The following RPRD2 variants were observed in gnomAD, a reference collection of about 807,000 sequenced individuals.
RPRD2 encodes regulation of nuclear pre-mRNA domain containing 2, also known as regulation of nuclear pre-mRNA domain-containing protein 2.
RPRD2 carries 12 observed loss-of-function variants against 104.4 expected under a neutral mutation model. The observed-to-expected ratio is 0.11, with a 90% CI of 0.07 to 0.19. The LOEUF (loss-of-function observed/expected upper bound fraction) is 0.19. Among genes scored for constraint, RPRD2 ranks in the 10% least tolerant of loss-of-function variants. The probability of loss-of-function intolerance (pLI) is 1.00; values close to 1 mark genes in which losing one functional copy is unlikely to be tolerated. For missense variants in RPRD2, 1,543 were observed against 1,790.1 expected, an observed-to-expected ratio of 0.86 and a Z score of 2.49; for synonymous variants, 714 against 684.9, an observed-to-expected ratio of 1.04 and a Z score of -0.66.
intron 1 of RPRD2, among the ~76,000 whole-genome samples, chr1:150,381,873 G>T (rs1266951278): frequency 6.6e-6 from 1 of 152,090 alleles, no homozygotes; most frequent in Non-Finnish European, 1.5e-5. Flanking sequence ...TTGTATGTTG[G>T]TTAGTTGGTA....
chr1:150,412,660 TAA>T (rs1553887881), intron 1 of RPRD2, among the ~76,000 whole-genome samples: 1 of 152,188 alleles, frequency 6.6e-6, no homozygotes, highest in Non-Finnish European at 1.5e-5. Flanking sequence ...TAAAGGAAGC[TAA>T]AGTGTTTCAG....
At chr1:150,409,692 A>G (rs1332287773) in intron 1 of RPRD2, among the ~76,000 whole-genome samples, 1 of 123,168 alleles carries the variant, frequency 8.1e-6, no homozygotes, top group Non-Finnish European at 1.6e-5. Flanking sequence ...TCTTTCACCC[A>G]GGCTGAAGTG....
Position 150,457,466 on chromosome 1 carries a change from C to G in RPRD2, c.1049C>G (p.Thr350Ser). The G allele has an allele frequency of 6.2e-7, 1 of 1,613,792 alleles. No homozygotes were observed. The highest frequency in any genetic ancestry group is 8.5e-7 in the Non-Finnish European group (1 of 1,179,806). The change falls in exon 8 of 11, where the codon ACC (threonine) becomes AGC (serine). Residue 350 changes from threonine to serine, a missense_variant. Physicochemically the swap from Thr to Ser is moderately conservative, Grantham distance 58. Transcript: ENST00000369068. ...GGAGGTGAGGAATCCCAGTCACCAA[C>G]CATGGAGAGTGAGAAATCTGCCACA... The part of the protein sequence containing the change: ...GMGGEESQSP[T>S]MESEKSATPE...
chr1:150,444,684 C>G (rs969898569), intron 6 of RPRD2, among the ~76,000 whole-genome samples: 2 of 152,116 alleles, frequency 1.3e-5, no homozygotes, highest in Admixed American at 6.6e-5. Flanking sequence ...GTTAGACCAT[C>G]TAGTTTCCTT....
chr1:150,393,647 A>G (rs1472020635), intron 1 of RPRD2, among the ~76,000 whole-genome samples: 4 of 152,092 alleles, frequency 2.6e-5, no homozygotes, highest in African/African-American at 7.2e-5. Flanking sequence ...TTTGGCATCA[A>G]TAGTAGTGGG....
intron 4 of RPRD2, 94 bp downstream of exon 4, chr1:150,442,052 A>G (rs1055234753): frequency 1.1e-6 from 1 of 917,540 alleles, no homozygotes; most frequent in Non-Finnish European, 1.6e-6. Context: ...GGCATAAACC[A>G]TGGGCAAGCC....
intron 10 of RPRD2, among the ~76,000 whole-genome samples, chr1:150,468,049 C>A (rs1244594507): frequency 6.6e-6 from 1 of 152,018 alleles, no homozygotes; most frequent in South Asian, 2.1e-4. Flanking sequence ...GTAACCCCAA[C>A]TACTTGGGAG....
At chr1:150,439,715 C>T (rs182880193) in intron 2 of RPRD2, among the ~76,000 whole-genome samples, 37 of 149,204 alleles carry the variant, frequency 2.5e-4, no homozygotes, top group Admixed American at 2.2e-3. Flanking sequence ...TTTGATAGAT[C>T]TATGAAATTA....
At chr1:150,452,465 G>A (rs1177744687) in intron 7 of RPRD2, among the ~76,000 whole-genome samples, 1 of 152,080 alleles carries the variant, frequency 6.6e-6, no homozygotes, top group Non-Finnish European at 1.5e-5. Context: ...TGAATGTTTT[G>A]TGAGGAAGTA....
chr1:150,434,906 T>A (rs587719342), intron 2 of RPRD2, among the ~76,000 whole-genome samples: 234 of 152,296 alleles, frequency 1.5e-3, no homozygotes, highest in Non-Finnish European at 2.9e-3. Flanking sequence ...AATAACAGAA[T>A]AGAATTTTTT....
At chr1:150,445,001 A>G (rs988592874) in intron 6 of RPRD2, among the ~76,000 whole-genome samples, 3 of 152,174 alleles carry the variant, frequency 2.0e-5, no homozygotes, top group Admixed American at 2.0e-4. Flanking sequence ...AGCCTGGGCA[A>G]CATAGTGAGA....
At chr1:150,409,647 CTTTTT>C (rs10684353) in intron 1 of RPRD2, among the ~76,000 whole-genome samples, 2 of 114,610 alleles carry the variant, frequency 1.7e-5, no homozygotes, top group Admixed American at 1.0e-4. Context: ...TGTTGCAATT[CTTTTT>C]TTTTTTTTTT....
rs587763472 is a variant in RPRD2 at position 150,434,327 on chromosome 1, G to C, written c.336-6596G>C. On this transcript the variant is annotated intron_variant, in intron 2 of 10. Transcript: ENST00000369068. ...GTTGAGATCGTGCAACTGCCCTCCA[G>C]CCTGGGCGGCAGAGCAAGACTGTCT... Among the ~76,000 whole-genome samples, 337 of 152,318 alleles carry C rather than the reference G, an allele frequency of 2.2e-3. 1 individual carries two copies. Among genetic ancestry groups the C allele is most frequent in the Middle Eastern group, 0.01 (3 of 294 alleles).
intron 1 of RPRD2, among the ~76,000 whole-genome samples, chr1:150,387,643 G>C (rs1445997420): frequency 7.9e-6 from 1 of 125,878 alleles, no homozygotes; most frequent in Non-Finnish European, 1.6e-5. Context: ...CCAGGCTGGA[G>C]TGCAGTGGCG....
intron 1 of RPRD2, among the ~76,000 whole-genome samples, chr1:150,376,466 T>G (rs587606441): frequency 7.2e-5 from 11 of 152,264 alleles, no homozygotes; most frequent in Middle Eastern, 3.4e-3. Context: ...GTTCCTTTAC[T>G]GTCATCATAG....
chr1:150,365,438 G>C (rs1484635606), intron 1 of RPRD2, among the ~76,000 whole-genome samples: 1 of 152,174 alleles, frequency 6.6e-6, no homozygotes, highest in Non-Finnish European at 1.5e-5. Flanking sequence ...TTAAGAAGCA[G>C]CATGAGCTCT....
intron 1 of RPRD2, among the ~76,000 whole-genome samples, chr1:150,380,638 C>T (rs1553880608): frequency 1.3e-5 from 2 of 151,956 alleles, no homozygotes; most frequent in South Asian, 2.1e-4. Context: ...TGAGCCACCA[C>T]ACCCGGCTCC....
chr1:150,384,064 C>G (rs1442602226), intron 1 of RPRD2, among the ~76,000 whole-genome samples: 1 of 152,104 alleles, frequency 6.6e-6, no homozygotes, highest in African/African-American at 2.4e-5. Context: ...CTTTAGTACC[C>G]TTAATACAAA....
intron 2 of RPRD2, among the ~76,000 whole-genome samples, chr1:150,432,160 C>T (rs1279228039): frequency 7.5e-6 from 1 of 133,908 alleles, no homozygotes; most frequent in Non-Finnish European, 1.6e-5. Context: ...GGTGATGGAA[C>T]AAGACCCTAA....
Sources: allele counts gnomAD v4.1 joint callset (sites outside exome capture counted in the v4.1 genomes callset), GRCh38; gene constraint gnomAD v4.1.1; transcripts MANE v1.5; gene names NCBI Gene and HGNC (gene_info 2026-07-23, HGNC 2026-07-21).